RYR3: variants seen among roughly 807,000 people sequenced by gnomAD.
The protein encoded by RYR3 is brain ryanodine receptor-calcium release channel.
In RYR3, 207 loss-of-function variants were observed where a neutral mutation model predicts 584.3. The ratio of observed to expected loss-of-function variants is 0.35; its 90% CI spans 0.32 to 0.40. The LOEUF is 0.40. Ranked by LOEUF, RYR3 falls within the 10% of genes least tolerant of loss-of-function variation. The pLI, the probability that RYR3 is intolerant of heterozygous loss-of-function variation, is 1.00. For synonymous variants in RYR3, 2,416 were observed against 2,248.5 expected, an observed-to-expected ratio of 1.07 and a Z score of -2.11; for missense variants, 5,616 against 6,089.2, an observed-to-expected ratio of 0.92 and a Z score of 2.59.
At chr15:33,864,846 T>TAAATCTTTAA (rs1475256355) in intron 103 of RYR3, 3 of 350,738 alleles carry the variant, frequency 8.6e-6, no homozygotes, top group Non-Finnish European at 1.6e-5. Context: ...AGCTTATTGC[T>TAAATCTTTAA]AAATCTTTAA....
rs573685803 is a variant in RYR3 at position 33,342,987 on chromosome 15, T to C, written c.51+31891T>C. On this transcript the variant is annotated intron_variant, in intron 1 of 103. Transcript: ENST00000634891. ...AAAAACTCGATTGTTTTAAATGTTC[T>C]GTCTCACTGCAGTTAATTAAGACAG... is the stretch of plus-strand genomic sequence containing the variant. Among the ~76,000 whole-genome samples the C allele has an allele frequency of 3.6e-4, 55 of 152,352 alleles. No individual in the cohort carries two copies. The South Asian group carries it at 0.011, about 29-fold the overall frequency.
chr15:33,834,357 A>G (rs1247011685), intron 86 of RYR3, among the ~76,000 whole-genome samples: 2 of 151,946 alleles, frequency 1.3e-5, no homozygotes, highest in Admixed American at 1.3e-4. Context: ...AAACTAAGTT[A>G]TTCCTCTACA....
At chr15:33,859,549 A>G (rs72716829) in intron 99 of RYR3, 26 bp from the exon 100 acceptor site, 14 of 1,613,122 alleles carry the variant, frequency 8.7e-6, no homozygotes, top group Non-Finnish European at 1.2e-5. Flanking sequence ...ACTTTTGCCT[A>G]AATCCCCCTT....
intron 1 of RYR3, among the ~76,000 whole-genome samples, chr15:33,324,009 C>T (rs1437539512): frequency 6.6e-6 from 1 of 152,066 alleles, no homozygotes; most frequent in Non-Finnish European, 1.5e-5. Flanking sequence ...TTATCTAGCC[C>T]ACAGGTTAGG....
chr15:33,711,212 C>A (rs1215424122), intron 43 of RYR3, among the ~76,000 whole-genome samples: 1 of 150,378 alleles, frequency 6.6e-6, no homozygotes, highest in Non-Finnish European at 1.5e-5. Context: ...TTGTTAGAAG[C>A]AGCCATGCCA....
intron 94 of RYR3, chr15:33,852,078 A>G (rs2152996593): frequency 3.3e-5 from 1 of 29,862 alleles, no homozygotes; most frequent in South Asian, 1.2e-3. Flanking sequence ...AGGTCAGTGA[A>G]TAGTAGGAGG....
chr15:33,393,452 G>A (rs2042121680), intron 1 of RYR3, among the ~76,000 whole-genome samples: 1 of 152,146 alleles, frequency 6.6e-6, no homozygotes, highest in South Asian at 2.1e-4. Flanking sequence ...AATGCAACAT[G>A]CTTTAAGCCA....
chr15:33,773,925 C>T (rs1231490678), intron 64 of RYR3, among the ~76,000 whole-genome samples: 3 of 152,236 alleles, frequency 2.0e-5, no homozygotes, highest in African/African-American at 2.4e-5. Flanking sequence ...TTCAGAATCA[C>T]AGCTTCTAAA....
chr15:33,358,784 C>A (rs1974340131), intron 1 of RYR3, among the ~76,000 whole-genome samples: 10 of 152,082 alleles, frequency 6.6e-5, no homozygotes, highest in Admixed American at 6.6e-4. Context: ...AATCTTTTGA[C>A]CAAAATAATG....
At chr15:33,648,457 C>G (rs1348985596) in intron 30 of RYR3, among the ~76,000 whole-genome samples, 2 of 152,282 alleles carry the variant, frequency 1.3e-5, no homozygotes, top group East Asian at 3.9e-4. Flanking sequence ...TAGTGATAAC[C>G]CCATGGATTG....
chr15:33,330,718 G>T (rs1015327424), intron 1 of RYR3, among the ~76,000 whole-genome samples: 3 of 152,204 alleles, frequency 2.0e-5, no homozygotes, highest in African/African-American at 7.2e-5. Flanking sequence ...TTCTAGGCAT[G>T]CTAGGAGCAG....
In RYR3 at chr15:33,634,692, T is replaced by C; in HGVS notation, c.3134T>C (p.Val1045Ala). 6.2e-7 allele frequency: 1 copy of C among 1,613,990 alleles called. No homozygotes were observed. The highest frequency in any genetic ancestry group is 8.5e-7 in the Non-Finnish European group (1 of 1,179,892). ...DSLREAVRTF[V>A]GYGYNIEPSD... is the part of the protein sequence containing the mutation. ...CTGCGGGAAGCTGTGCGCACTTTTG[T>C]TGGTTACGGGTATAACATTGAGCCA... is the stretch of plus-strand genomic sequence containing the variant. The change falls in exon 25 of 104, where the codon GTT becomes GCT. Residue 1045 changes from valine to alanine, a missense_variant. Around this residue, in one of 9 missense-constraint regions of RYR3, gnomAD observed 1,284 missense variants for 1,344.6 expected, o/e 0.95. Coordinates refer to ENST00000634891, the MANE Select transcript of RYR3 (RefSeq NM_001036.6).
At chr15:33,699,291 C>T (rs28646279) in intron 40 of RYR3, among the ~76,000 whole-genome samples, 23,758 of 124,522 alleles carry the variant, frequency 0.19, 2,612 homozygotes, top group Admixed American at 0.34. Flanking sequence ...TCACTCTCTC[C>T]TCTTTCTCTC....
Position 33,843,430 on chromosome 15 carries a change from A to G in RYR3, c.13210-58A>G. ...CAGAACTGACCTTCTGTGTGAAAGTAGGAAGTTCTCTTTTCCTTCCAAAGC... is the reference window on the plus strand; with the variant it reads ...CAGAACTGACCTTCTGTGTGAAAGTGGGAAGTTCTCTTTTCCTTCCAAAGC... On this transcript the variant is annotated intron_variant, in intron 91 of 103. Coordinates refer to ENST00000634891, the MANE Select transcript of RYR3 (RefSeq NM_001036.6). 5 of 1,194,786 alleles carry G rather than the reference A, an allele frequency of 4.2e-6. No homozygotes were observed. In the South Asian group the frequency reaches 6.5e-5, roughly 15 times the overall value. The allele number at this position is 1,194,786 out of a possible 1,614,324, so 74.0% of individuals were successfully genotyped here. A position where few individuals can be genotyped will look rare whatever the true frequency, so the allele number is the denominator to read the frequency against.
intron 3 of RYR3, among the ~76,000 whole-genome samples, chr15:33,513,044 C>T (rs1426452289): frequency 6.6e-6 from 1 of 152,124 alleles, no homozygotes; most frequent in East Asian, 1.9e-4. Context: ...CTTAATTGTA[C>T]AATATTTGAA....
chr15:33,375,873 G>A (rs926590637), intron 1 of RYR3, among the ~76,000 whole-genome samples: 1 of 152,098 alleles, frequency 6.6e-6, no homozygotes, highest in Admixed American at 6.5e-5. Context: ...GACCATCCTG[G>A]CTAACACAGT....
At chr15:33,727,861 G>A (rs941361742) in intron 46 of RYR3, among the ~76,000 whole-genome samples, 10 of 152,154 alleles carry the variant, frequency 6.6e-5, no homozygotes, top group African/African-American at 2.2e-4. Flanking sequence ...AGAGGAAATT[G>A]TTTTCTATCC....
chr15:33,593,966 A>G (rs1286708376), intron 16 of RYR3, among the ~76,000 whole-genome samples: 1 of 152,206 alleles, frequency 6.6e-6, no homozygotes. Context: ...ACTTTGTTCC[A>G]TAGCAGGAAT....
At chr15:33,745,283 T>C (rs1460922883) in intron 52 of RYR3, among the ~76,000 whole-genome samples, 2 of 150,792 alleles carry the variant, frequency 1.3e-5, no homozygotes, top group Non-Finnish European at 1.5e-5. Context: ...TAAATAGGTT[T>C]GAAACTAGGA....
Sources: allele counts gnomAD v4.1 joint callset (sites outside exome capture counted in the v4.1 genomes callset), GRCh38; gene constraint gnomAD v4.1.1; regional missense constraint gnomAD v4.1.1; transcripts MANE v1.5; gene names NCBI Gene and HGNC (gene_info 2026-07-23, HGNC 2026-07-21).